Variants in TRIM14 observed in about 807,000 individuals in gnomAD.
The protein encoded by TRIM14 is tripartite motif-containing protein 14.
TRIM14 carries 28 observed loss-of-function variants against 44.5 expected under a neutral mutation model. The observed-to-expected ratio is 0.63, with a 90% CI of 0.47 to 0.86. The LOEUF (loss-of-function observed/expected upper bound fraction) is 0.86. TRIM14 is among the 40% of genes least tolerant of loss of function. The pLI is 0.00. For missense variants in TRIM14, 607 were observed against 611.1 expected, an observed-to-expected ratio of 0.99 and a Z score of 0.07; for synonymous variants, 299 against 269.2, an observed-to-expected ratio of 1.11 and a Z score of -1.08.
intron 1 of TRIM14, among the ~76,000 whole-genome samples, chr9:98,118,689 T>C (rs1302357890): frequency 6.6e-6 from 1 of 152,194 alleles, no homozygotes; most frequent in Non-Finnish European, 1.5e-5. Flanking sequence ...GGATCGGCCA[T>C]GGTGGACACG....
In TRIM14 at chr9:98,087,812, C is replaced by CG. The variant is rs1393396623; in HGVS notation, c.986_987insC (p.Gln329HisfsTer42). 1 of 1,523,368 alleles carries CG rather than the reference C, an allele frequency of 6.6e-7. No individual in the cohort carries two copies. The highest frequency in any genetic ancestry group is 1.4e-5 in the African/African-American group (1 of 69,578). 94.4% of individuals were successfully genotyped at this position (1,523,368 alleles called of 1,614,324 possible). ...CCACCCACCAGCCGGCGCCCGCCTC[C>CG]TGCACGTCAACCTCCCAGTAGTGGC... is the stretch of plus-strand genomic sequence containing the variant. On this transcript the variant is annotated frameshift_variant, in exon 6 of 6. Transcript: ENST00000341469. LOFTEE classifies it high-confidence loss of function.
chr9:98,036,102 CA>C, the TRIM14 span, among the ~76,000 whole-genome samples: 5 of 149,658 alleles, frequency 3.3e-5, no homozygotes, highest in African/African-American at 9.8e-5. Context: ...CCAGCTGAGG[CA>C]GGAGAATCGC....
downstream of TRIM14, among the ~76,000 whole-genome samples, chr9:98,066,802 C>A (rs181301707): frequency 2.0e-5 from 3 of 152,234 alleles, no homozygotes; most frequent in East Asian, 5.8e-4. Flanking sequence ...AGTCATGCAC[C>A]ACCCTGCCCA....
chr9:98,101,749 T>G (rs1826401490), intron 2 of TRIM14, among the ~76,000 whole-genome samples: 1 of 152,188 alleles, frequency 6.6e-6, no homozygotes, highest in Non-Finnish European at 1.5e-5. Flanking sequence ...TATTCTTTCA[T>G]GCAGCAATTC....
the TRIM14 span, chr9:98,056,919 G>C: frequency 1.2e-6 from 2 of 1,605,560 alleles, no homozygotes; most frequent in Non-Finnish European, 1.7e-6. Context: ...ACGTAGCCAA[G>C]CGCATGATCC....
intron 2 of TRIM14, among the ~76,000 whole-genome samples, chr9:98,102,026 G>T (rs915326516): frequency 2.1e-5 from 3 of 142,322 alleles, no homozygotes; most frequent in Non-Finnish European, 3.1e-5. Flanking sequence ...AAAAAAAAAA[G>T]AAAAGAAAAA....
At chr9:98,082,777 G>A, downstream of TRIM14, 1 of 1,469,848 alleles carries the variant, frequency 6.8e-7, no homozygotes, top group Non-Finnish European at 9.3e-7. Context: ...GGGACCTTGA[G>A]TGTAAAGTAA....
rs547935521 is a variant in TRIM14 at position 98,093,170 on chromosome 9, T to G, written c.701-1169A>C. ...TGCGAGTTGCCCACGTCCAAATCCT[T>G]GGATTCTGATCTCTTTCCTCTCTCC... On this transcript the variant is annotated intron_variant, in intron 4 of 5. Coordinates refer to ENST00000341469, the MANE Select transcript of TRIM14 (RefSeq NM_014788.4). Among the ~76,000 whole-genome samples, 21 of 152,258 alleles carry G rather than the reference T, an allele frequency of 1.4e-4. No individual in the cohort carries two copies. In the South Asian group the frequency reaches 4.4e-3, roughly 32 times the overall value.
downstream of TRIM14, among the ~76,000 whole-genome samples, chr9:98,080,292 C>T (rs889942735): frequency 6.6e-6 from 1 of 152,168 alleles, no homozygotes; most frequent in Non-Finnish European, 1.5e-5. Context: ...TTCTGGTCAC[C>T]CTCACCAACA....
At chr9:98,082,800 T>C (rs1304165494), downstream of TRIM14, 1 of 1,574,976 alleles carries the variant, frequency 6.3e-7, no homozygotes, top group South Asian at 1.1e-5. Flanking sequence ...TAGTGTGCAC[T>C]AGTTACTTCT....
At chr9:98,076,943 T>C (rs1829619144) in intron 6 of TRIM14, 2 of 1,612,268 alleles carry the variant, frequency 1.2e-6, no homozygotes, top group African/African-American at 1.3e-5. Flanking sequence ...CTGCATGAAC[T>C]GAATGTTCCA....
chr9:98,045,250 G>A, the TRIM14 span, among the ~76,000 whole-genome samples: 4 of 151,404 alleles, frequency 2.6e-5, no homozygotes, highest in African/African-American at 4.8e-5. Flanking sequence ...TGTAGCTCTC[G>A]TCCACCATTT....
chr9:98,109,878 T>C lies in TRIM14; in HGVS notation c.303+11A>G, dbSNP rs1279839495. 4 of 1,608,528 alleles carry C rather than the reference T, an allele frequency of 2.5e-6. No homozygotes were observed. The African/African-American group carries it at 5.4e-5, about 22-fold the overall frequency. On this transcript the variant is annotated intron_variant, in intron 2 of 5. Coordinates refer to ENST00000341469, the MANE Select transcript of TRIM14 (RefSeq NM_014788.4). ...TCTTTCCATGGGTATGAGGAAGAAA[T>C]GTCCACTTGCCTTGAGCTTCTCGGT...
At chr9:98,053,394 T>G in the TRIM14 span, among the ~76,000 whole-genome samples, 1 of 152,274 alleles carries the variant, frequency 6.6e-6, no homozygotes, top group Non-Finnish European at 1.5e-5. Context: ...CTTCATCTGG[T>G]ATTGGTTTCA....
chr9:98,065,366 GCAAT>G (rs200763619), downstream of TRIM14, among the ~76,000 whole-genome samples: 2,620 of 142,764 alleles, frequency 0.018, 91 homozygotes, highest in African/African-American at 0.065. Context: ...AGGCTGGAGT[GCAAT>G]CAATGGTGCA....
chr9:98,052,885 G>A, the TRIM14 span, among the ~76,000 whole-genome samples: 2 of 152,140 alleles, frequency 1.3e-5, no homozygotes, highest in Admixed American at 1.3e-4. Context: ...CCTCCCATGT[G>A]AAATTAATAC....
At chr9:98,060,644 C>A in the TRIM14 span, 1 of 834,940 alleles carries the variant, frequency 1.2e-6, no homozygotes, top group Non-Finnish European at 1.9e-6. Flanking sequence ...GCACTCCAGC[C>A]TGGGTGAAAG....
In TRIM14 at chr9:98,084,459, A is replaced by C. The variant is rs1400793506; in HGVS notation, c.*3011T>G. ...CATATCAATAAAGAAATGTCTACAG[A>C]TTCAAGTCTGAAAGAGAAGAAGGTA... On this transcript the variant is annotated 3_prime_UTR_variant, in exon 6 of 6. Transcript: ENST00000341469. 1 of 152,220 alleles carries C rather than the reference A, an allele frequency of 6.6e-6. No individual in the cohort carries two copies. Among genetic ancestry groups the C allele is most frequent in the African/African-American group, 2.4e-5 (1 of 41,444 alleles). The allele number at this position is 152,220 out of a possible 1,614,324, so 9.4% of individuals were successfully genotyped here.
the TRIM14 span, among the ~76,000 whole-genome samples, chr9:98,039,048 A>T: frequency 6.9e-6 from 1 of 145,648 alleles, no homozygotes; most frequent in East Asian, 2.0e-4. Context: ...GACTACGTCT[A>T]AAAAAAAAAA....
Sources: gnomAD v4.1 joint callset for allele counts (sites outside exome capture counted in the v4.1 genomes callset) on GRCh38, gnomAD v4.1.1 for gene constraint, MANE v1.5 for transcripts, NCBI Gene and HGNC (gene_info 2026-07-23, HGNC 2026-07-21) for gene names.